The following WDR37 variants were observed in gnomAD, a reference collection of about 807,000 sequenced individuals.
WDR37 encodes the protein WD repeat-containing protein 37.
Under a neutral mutation model 62.9 loss-of-function variants are expected in WDR37, and 19 were observed. The observed-to-expected ratio is 0.30, with a 90% CI of 0.21 to 0.44. The LOEUF is 0.44. Ranked by LOEUF, WDR37 falls within the 20% of genes least tolerant of loss-of-function variation. The probability of loss-of-function intolerance (pLI) is 1.00; values close to 1 mark genes in which losing one functional copy is unlikely to be tolerated. For synonymous variants in WDR37, 250 were observed against 260.9 expected (o/e 0.96, Z 0.40); for missense variants, 474 against 657.6 (o/e 0.72, Z 3.05).
rs1323428745 is a variant in WDR37 at position 1,127,395 on chromosome 10, A to G, written c.1354-1818A>G. Among the ~76,000 whole-genome samples the G allele has an allele frequency of 2.0e-4, 30 of 152,248 alleles. 1 individual carries two copies. The highest frequency in any genetic ancestry group is 2.0e-3 in the Admixed American group (30 of 15,286). On this transcript the variant is annotated intron_variant, in intron 13 of 13. Transcript: ENST00000263150. ...ATGAATGTGATTTAACTTTATTTAG[A>G]ACTTGTAACACCTCTTCAGATAAAT...
rs562588491 is a variant in WDR37, at chr10:1,094,811, C to T, written c.649+1315C>T. On this transcript the variant is annotated intron_variant, in intron 8 of 13. Transcript: ENST00000263150. ...TAGAGAGGAGAGTTAGACTTGGAAACGTGAGGTAATGGACATAGAGAGGGG... is the reference window on the plus strand; with the variant it reads ...TAGAGAGGAGAGTTAGACTTGGAAATGTGAGGTAATGGACATAGAGAGGGG... Among the ~76,000 whole-genome samples, 9 of 151,356 alleles carry T rather than the reference C, an allele frequency of 5.9e-5. No individual in the cohort carries two copies. In the South Asian group the frequency reaches 1.3e-3, roughly 21 times the overall value.
At position 1,084,444 on chromosome 10, in the gene WDR37, C is replaced by T; in HGVS notation, c.438C>T (p.Cys146=). ...SFKTTTSRAA[C]QLVKEYIGHR... The stretch of plus-strand genomic sequence containing the variant: ...AGACCACGACATCGAGAGCTGCCTG[C>T]CAGCTCGTGAAGGAGTACATCGGCC... Residue 146 remains cysteine, a synonymous_variant, in exon 6 of 14, where the codon TGC becomes TGT. Coordinates refer to ENST00000263150, the MANE Select transcript of WDR37 (RefSeq NM_014023.4). 7 of 1,614,186 alleles carry T rather than the reference C, an allele frequency of 4.3e-6. No individual in the cohort carries two copies. Among genetic ancestry groups the T allele is most frequent in the Non-Finnish European group, 5.9e-6 (7 of 1,180,002 alleles).
In WDR37 at chr10:1,079,664, A is replaced by C. The variant is rs1440121394; in HGVS notation, c.236-347A>C. On this transcript the variant is annotated intron_variant, in intron 3 of 13. Transcript: ENST00000263150. ...ATTCTCCTGCCTCAGCCTCCTGAGT[A>C]GCTGGGATTACAGGCATGCACCACC... 2.6e-5 allele frequency among the ~76,000 whole-genome samples: 4 copies of C among 151,764 alleles called. No individual in the cohort carries two copies. In the East Asian group the frequency reaches 7.8e-4, roughly 29 times the overall value.
At chr10:1,058,378 T>C (rs1390179067) in intron 1 of WDR37, among the ~76,000 whole-genome samples, 2 of 152,216 alleles carry the variant, frequency 1.3e-5, no homozygotes, top group African/African-American at 2.4e-5. Flanking sequence ...GTTTCCCTCC[T>C]CCTCTTTTTG....
chr10:1,078,591 C>T (rs7091030), intron 3 of WDR37, among the ~76,000 whole-genome samples: 12,182 of 152,136 alleles, frequency 0.08, 928 homozygotes, highest in African/African-American at 0.21. Flanking sequence ...TAGATCTATC[C>T]GCTTTAGTGT....
At chr10:1,102,193 C>T (rs550430494) in intron 9 of WDR37, among the ~76,000 whole-genome samples, 1 of 131,216 alleles carries the variant, frequency 7.6e-6, no homozygotes, top group East Asian at 2.3e-4. Flanking sequence ...GCTGTGTGTC[C>T]ATGTGACGTG....
In WDR37 at chr10:1,084,466, G is replaced by A. The variant is rs745509111; in HGVS notation, c.460G>A (p.Gly154Ser). 26 of 1,614,018 alleles carry A rather than the reference G, an allele frequency of 1.6e-5. No individual in the cohort carries two copies. Among genetic ancestry groups the A allele is most frequent in the East Asian group, 2.2e-5 (1 of 44,892 alleles). Residue 154 changes from glycine (G) to serine (S), a missense_variant, in exon 6 of 14, where the codon GGC becomes AGC. Gly to Ser is a moderately conservative substitution (Grantham distance 56). Coordinates refer to ENST00000263150, the MANE Select transcript of WDR37 (RefSeq NM_014023.4). Reference sequence around the variant, plus strand: ...CTGCCAGCTCGTGAAGGAGTACATCGGCCACCGGGACGGCATCTGGGATGT... The same window carrying A: ...CTGCCAGCTCGTGAAGGAGTACATCAGCCACCGGGACGGCATCTGGGATGT... ...AACQLVKEYIGHRDGIWDVSV... is the reference protein window; with the variant it reads ...AACQLVKEYISHRDGIWDVSV...
chr10:1,113,505 C>T (rs1835283583), intron 11 of WDR37, among the ~76,000 whole-genome samples: 1 of 152,134 alleles, frequency 6.6e-6, no homozygotes, highest in Non-Finnish European at 1.5e-5. Context: ...ATAGTGATTC[C>T]TCTGATGGAC....
chr10:1,110,786 C>T lies in WDR37; in HGVS notation c.1103+5519C>T, dbSNP rs577095639. ...GGCTTCTCTGCAGTGGCCACGGCATCGCCAAGGACATCCGTGAGCCTCCGA... is the reference window on the plus strand; with the variant it reads ...GGCTTCTCTGCAGTGGCCACGGCATTGCCAAGGACATCCGTGAGCCTCCGA... On this transcript the variant is annotated intron_variant, in intron 11 of 13. Transcript: ENST00000263150. Among the ~76,000 whole-genome samples, 9 of 152,370 alleles carry T rather than the reference C, an allele frequency of 5.9e-5. No homozygotes were observed. The East Asian group carries it at 1.5e-3, about 26-fold the overall frequency.
intron 13 of WDR37, among the ~76,000 whole-genome samples, chr10:1,128,694 TAAAG>T (rs1455320201): frequency 5.9e-5 from 9 of 152,240 alleles, no homozygotes; most frequent in Admixed American, 3.3e-4. Flanking sequence ...CTCATTTTCT[TAAAG>T]AAGGACTCAT....
intron 8 of WDR37, among the ~76,000 whole-genome samples, 192 bp from the exon 9 acceptor site, chr10:1,095,978 G>A (rs1041779523): frequency 9.2e-5 from 14 of 152,154 alleles, no homozygotes; most frequent in African/African-American, 3.4e-4. Flanking sequence ...CTCAATTTTG[G>A]ACATGTACTC....
At chr10:1,094,270 G>A (rs534100420) in intron 8 of WDR37, among the ~76,000 whole-genome samples, 107 of 152,344 alleles carry the variant, frequency 7.0e-4, no homozygotes, top group African/African-American at 2.5e-3. Context: ...GGACATGGCT[G>A]TGTCCACTTA....
chr10:1,117,199 G>T (rs1264026666), intron 11 of WDR37, among the ~76,000 whole-genome samples: 1 of 152,020 alleles, frequency 6.6e-6, no homozygotes, highest in East Asian at 1.9e-4. Flanking sequence ...GGACTACAGG[G>T]CTGTGCCACC....
chr10:1,059,553 C>G (rs575377689), intron 1 of WDR37, among the ~76,000 whole-genome samples: 8 of 152,152 alleles, frequency 5.3e-5, no homozygotes, highest in African/African-American at 1.9e-4. Context: ...AATCCCAGCA[C>G]TTTGGGAGGC....
At chr10:1,082,248 CCTT>C (rs1378313720) in intron 5 of WDR37, among the ~76,000 whole-genome samples, 2 of 152,176 alleles carry the variant, frequency 1.3e-5, no homozygotes, top group African/African-American at 4.8e-5. Flanking sequence ...TACTTTCCCT[CCTT>C]CTGACCCAGA....
At chr10:1,115,758 G>C (rs1327309420) in intron 11 of WDR37, among the ~76,000 whole-genome samples, 1 of 152,148 alleles carries the variant, frequency 6.6e-6, no homozygotes, top group Admixed American at 6.5e-5. Flanking sequence ...TTTCTTTTTG[G>C]TGATGGCTTT....
chr10:1,100,969 C>T (rs1834775773), intron 9 of WDR37, among the ~76,000 whole-genome samples: 2 of 152,372 alleles, frequency 1.3e-5, no homozygotes, highest in Admixed American at 1.3e-4. Context: ...TGTTCCTTTC[C>T]TTGTGCCACC....
In WDR37 at chr10:1,105,370, A is replaced by G; in HGVS notation, c.1103+103A>G. The stretch of plus-strand genomic sequence containing the variant: ...CTTAATTTTCAGTATTTCCGACTCT[A>G]CTATCTTTCAAAAAAATAACTACCT... On this transcript the variant is annotated intron_variant, in intron 11 of 13. Transcript: ENST00000263150. This position sits in a 1 kb window ranked among gnomAD's most constrained non-coding sequence, Gnocchi z 5.3. 4 of 1,364,512 alleles carry G rather than the reference A, an allele frequency of 2.9e-6. No individual in the cohort carries two copies. Among genetic ancestry groups the G allele is most frequent in the Non-Finnish European group, 4.0e-6 (4 of 1,010,942 alleles). The allele number at this position is 1,364,512 out of a possible 1,614,324, so 84.5% of individuals were successfully genotyped here.
chr10:1,125,132 G>A (rs1835699046), intron 13 of WDR37, 108 bp downstream of exon 13: 2 of 1,475,278 alleles, frequency 1.4e-6, no homozygotes, highest in Admixed American at 2.4e-5. Context: ...AGTTTTCCTT[G>A]GAAATGCTTG....
Sources: gnomAD v4.1 joint callset for allele counts (sites outside exome capture counted in the v4.1 genomes callset) on GRCh38, gnomAD v4.1.1 for gene constraint, Gnocchi (gnomAD v3.1) non-coding constraint, MANE v1.5 for transcripts, NCBI Gene and HGNC (gene_info 2026-07-23, HGNC 2026-07-21) for gene names.